The following EWSR1 variants were observed in gnomAD, a reference collection of about 807,000 sequenced individuals.
The protein encoded by EWSR1 is RNA-binding protein EWS.
Under a neutral mutation model 92.1 loss-of-function variants are expected in EWSR1, and 14 were observed. That is an observed-to-expected ratio of 0.15 (90% CI 0.10 to 0.24). EWSR1 has a LOEUF of 0.24. EWSR1 is among the 10% of genes least tolerant of loss of function. EWSR1 has a pLI of 1.00. For missense variants in EWSR1, 637 were observed against 870.9 expected (o/e 0.73, Z 3.38); for synonymous variants, 303 against 292.9 (o/e 1.03, Z -0.35).
chr22:29,274,271 G>A, intron 4 of EWSR1: 2 of 1,613,836 alleles, frequency 1.2e-6, no homozygotes, highest in Non-Finnish European at 1.7e-6. Context: ...ACAGTAGAAG[G>A]GACCAGTACA....
In EWSR1 at chr22:29,300,480, T is replaced by G. The variant is rs995890299; in HGVS notation, c.*319T>G. The stretch of plus-strand genomic sequence containing the variant: ...GTAACAATGTTCATGGTTGTGATGT[T>G]TTTTTTTTTTTTTTAAATAAAATTC... On this transcript the variant is annotated 3_prime_UTR_variant, in exon 17 of 17. Transcript: ENST00000397938. The G allele has an allele frequency of 6.0e-5, 13 of 217,356 alleles. No individual in the cohort carries two copies. Among genetic ancestry groups the G allele is most frequent in the African/African-American group, 9.4e-5 (4 of 42,568 alleles). 13.5% of individuals were successfully genotyped at this position (217,356 alleles called of 1,614,324 possible). A position where few individuals can be genotyped will look rare whatever the true frequency, so the allele number is the denominator to read the frequency against.
At chr22:29,281,929 A>G (rs940783479) in intron 5 of EWSR1, among the ~76,000 whole-genome samples, 7 of 152,150 alleles carry the variant, frequency 4.6e-5, no homozygotes, top group Admixed American at 6.5e-5. Context: ...TAAACCCACA[A>G]ATTCTCTAAA....
chr22:29,279,381 TC>T (rs2059386861), intron 5 of EWSR1, among the ~76,000 whole-genome samples: 1 of 152,194 alleles, frequency 6.6e-6, no homozygotes, highest in South Asian at 2.1e-4. Flanking sequence ...CATTACTGTC[TC>T]GGCTTAAGCA....
intron 8 of EWSR1, chr22:29,289,667 A>G (rs1195005050): frequency 8.6e-6 from 2 of 232,596 alleles, no homozygotes; most frequent in East Asian, 1.2e-4. Context: ...AGATATTTAC[A>G]TTTGATACGG....
chr22:29,272,160 CT>C (rs2146762954), intron 1 of EWSR1, 55 bp from the exon 2 acceptor site: 1 of 1,520,304 alleles, frequency 6.6e-7, no homozygotes, highest in African/African-American at 1.4e-5. Flanking sequence ...CCCCTTTTTT[CT>C]CTTCTCCTTG....
At position 29,286,912 on chromosome 22, in the gene EWSR1, C is replaced by A; in HGVS notation, c.582-11C>A. On this transcript the variant is annotated splice_polypyrimidine_tract_variant and intron_variant, in intron 6 of 16. Coordinates refer to ENST00000397938, the MANE Select transcript of EWSR1 (RefSeq NM_005243.4). ...AAAAGCTTTTTTTTTTTTCTCTTCT[C>A]TCTCTTTCAGCTATTCCTCTACACA... 2 of 1,577,912 alleles carry A rather than the reference C, an allele frequency of 1.3e-6. No individual in the cohort carries two copies. The highest frequency in any genetic ancestry group is 1.7e-6 in the Non-Finnish European group (2 of 1,159,464).
intron 7 of EWSR1, among the ~76,000 whole-genome samples, chr22:29,288,311 A>G (rs1468951882): frequency 1.3e-5 from 2 of 152,198 alleles, no homozygotes; most frequent in African/African-American, 4.8e-5. Context: ...TTTTGGAGAC[A>G]TCTTAGGATA....
At chr22:29,299,916 TG>T in intron 16 of EWSR1, 65 bp downstream of exon 16, 1 of 1,532,978 alleles carries the variant, frequency 6.5e-7, no homozygotes, top group South Asian at 1.3e-5. Context: ...CTTCCCAGCT[TG>T]GTTGGCGCAA....
At position 29,286,940 on chromosome 22, in the gene EWSR1, C is replaced by T; in HGVS notation, c.599C>T (p.Pro200Leu). ...TCTTTCAGCTATTCCTCTACACAGC[C>T]GACTAGTTATGATCAGAGCAGTTAC... ...YPPTSYSSTQ[P>L]TSYDQSSYSQ... Residue 200 changes from proline (P) to leucine (L), a missense_variant, in exon 7 of 17, where the codon CCG (proline) becomes CTG (leucine). Physicochemically the swap from Pro to Leu is moderately conservative, Grantham distance 98. This residue lies in a region of EWSR1 where 116 missense variants were observed against 167.8 expected (regional missense o/e 0.69). Coordinates refer to ENST00000397938, the MANE Select transcript of EWSR1 (RefSeq NM_005243.4). The T allele has an allele frequency of 1.9e-6, 3 of 1,613,248 alleles. No individual in the cohort carries two copies. Among genetic ancestry groups the T allele is most frequent in the Non-Finnish European group, 2.5e-6 (3 of 1,179,696 alleles).
At chr22:29,273,268 G>C (rs2058828204) in intron 3 of EWSR1, among the ~76,000 whole-genome samples, 1 of 152,134 alleles carries the variant, frequency 6.6e-6, no homozygotes, top group African/African-American at 2.4e-5. Context: ...CTGAAAATCT[G>C]GTTTTCAATT....
intron 3 of EWSR1, among the ~76,000 whole-genome samples, chr22:29,273,006 C>T (rs2058806851): frequency 6.6e-6 from 1 of 152,170 alleles, no homozygotes; most frequent in Non-Finnish European, 1.5e-5. Flanking sequence ...TAATAACTGC[C>T]ATGGAAACAT....
intron 3 of EWSR1, among the ~76,000 whole-genome samples, chr22:29,273,516 A>G (rs144119820): frequency 5.3e-5 from 8 of 152,220 alleles, no homozygotes; most frequent in African/African-American, 1.9e-4. Flanking sequence ...CTACTTACCT[A>G]ATGAGCTTTT....
intron 5 of EWSR1, among the ~76,000 whole-genome samples, chr22:29,279,321 C>T (rs962200918): frequency 2.6e-5 from 4 of 152,102 alleles, no homozygotes; most frequent in African/African-American, 9.7e-5. Context: ...AAGAAATGGT[C>T]GTATGACCTA....
At chr22:29,270,673 A>G (rs2058602726) in intron 1 of EWSR1, among the ~76,000 whole-genome samples, 1 of 152,210 alleles carries the variant, frequency 6.6e-6, no homozygotes, top group South Asian at 2.1e-4. Flanking sequence ...TCGTCTTGCA[A>G]ACGTTGAACT....
Position 29,282,426 on chromosome 22 carries a change from A to G in EWSR1, c.450A>G (p.Gln150=), listed in dbSNP as rs756866342. ...QDGNKPTETS[Q]PQSSTGGYNQ... ...GAAACAAGCCCACTGAGACTAGTCA[A>G]CCTCAATCTAGCACAGGGGGTTACA... Residue 150 remains glutamine, a synonymous_variant, in exon 6 of 17, where the codon CAA becomes CAG. Transcript: ENST00000397938. 1.3e-6 allele frequency: 2 copies of G among 1,596,778 alleles called. No individual in the cohort carries two copies. Among genetic ancestry groups the G allele is most frequent in the Non-Finnish European group, 1.7e-6 (2 of 1,174,014 alleles).
Position 29,296,272 on chromosome 22 carries a change from A to G in EWSR1, c.1198A>G (p.Ile400Val), listed in dbSNP as rs749359827. The G allele has an allele frequency of 1.2e-6, 2 of 1,614,168 alleles. No homozygotes were observed. The highest frequency in any genetic ancestry group is 1.7e-5 in the Admixed American group (1 of 60,016). ...NKRTGQPMIHIYLDKETGKPK... is the reference protein window; with the variant it reads ...NKRTGQPMIHVYLDKETGKPK... ...GAGAACTGGGCAACCCATGATCCAC[A>G]TCTACCTGGACAAGGAAACAGGAAA... Residue 400 changes from isoleucine to valine, a missense_variant, in exon 12 of 17, where the codon ATC (isoleucine) becomes GTC (valine). Coordinates refer to ENST00000397938, the MANE Select transcript of EWSR1 (RefSeq NM_005243.4).
Position 29,271,775 on chromosome 22 carries a change from G to A in EWSR1, c.14-441G>A, listed in dbSNP as rs79814872. 2.2e-3 allele frequency among the ~76,000 whole-genome samples: 332 copies of A among 152,316 alleles called. 1 individual carries two copies. Among genetic ancestry groups the A allele is most frequent in the African/African-American group, 7.7e-3 (318 of 41,562 alleles). On this transcript the variant is annotated intron_variant, in intron 1 of 16. Coordinates refer to ENST00000397938, the MANE Select transcript of EWSR1 (RefSeq NM_005243.4). The stretch of plus-strand genomic sequence containing the variant: ...AGGGGAGTGAAAACTAATTTTTGAG[G>A]AGAGGTAGGTTCTAACGTAACCAAT...
chr22:29,280,098 T>G (rs1255769063), intron 5 of EWSR1, among the ~76,000 whole-genome samples: 1 of 152,050 alleles, frequency 6.6e-6, no homozygotes, highest in Non-Finnish European at 1.5e-5. Flanking sequence ...TTGGTTGGTT[T>G]TTGAGATGGA....
At chr22:29,293,324 C>A (rs1456665503) in intron 11 of EWSR1, among the ~76,000 whole-genome samples, 2 of 152,204 alleles carry the variant, frequency 1.3e-5, no homozygotes, top group Non-Finnish European at 2.9e-5. Context: ...ATTATTGTGT[C>A]TTTATGCTAA....
Sources: gnomAD v4.1 joint callset for allele counts (sites outside exome capture counted in the v4.1 genomes callset) on GRCh38, gnomAD v4.1.1 for gene constraint, gnomAD v4.1.1 regional missense constraint, MANE v1.5 for transcripts, NCBI Gene and HGNC (gene_info 2026-07-23, HGNC 2026-07-21) for gene names.